The following MYO18B variants were observed in gnomAD, a reference collection of about 807,000 sequenced individuals.
The protein encoded by MYO18B is unconventional myosin-XVIIIb.
In MYO18B, 204 loss-of-function variants were observed where a neutral mutation model predicts 273.0. The observed-to-expected ratio is 0.75, with a 90% confidence interval of 0.67 to 0.84. The LOEUF is 0.84. Ranked by LOEUF, MYO18B falls within the 40% of genes least tolerant of loss-of-function variation. The pLI is 0.00. For synonymous variants in MYO18B, 1,330 were observed against 1,305.7 expected, an observed-to-expected ratio of 1.02 and a Z score of -0.40; for missense variants, 3,212 against 3,287.6, an observed-to-expected ratio of 0.98 and a Z score of 0.56.
rs763249186 is a variant in MYO18B at position 25,780,195 on chromosome 22, C to G, written c.2208C>G (p.Leu736=). 12 of 1,602,748 alleles carry G rather than the reference C, an allele frequency of 7.5e-6. No individual in the cohort carries two copies. The highest frequency in any genetic ancestry group is 1.7e-4 in the Middle Eastern group (1 of 6,052). The change falls in exon 9 of 44, where the codon CTC becomes CTG. Residue 736 remains leucine (L), a synonymous_variant. Coordinates refer to ENST00000335473, the MANE Select transcript of MYO18B (RefSeq NM_032608.7). ...NATGRITAAQ[L]QTMLLEKSRV... ...CAGGCCGCATCACAGCTGCTCAGCT[C>G]CAGGTGAGGCCTCTCGGGGGATGTG...
chr22:25,745,076 C>T (rs2085738199), intron 1 of MYO18B, among the ~76,000 whole-genome samples: 1 of 152,194 alleles, frequency 6.6e-6, no homozygotes, highest in African/African-American at 2.4e-5. Flanking sequence ...CCTCAGCTCT[C>T]ATTTGAATGG....
chr22:25,940,232 A>G (rs1009185265), intron 34 of MYO18B, among the ~76,000 whole-genome samples: 13 of 152,202 alleles, frequency 8.5e-5, no homozygotes, highest in Non-Finnish European at 1.8e-4. Flanking sequence ...AGGTGTTTGA[A>G]TCTTGGGGAG....
intron 1 of MYO18B, among the ~76,000 whole-genome samples, chr22:25,750,508 G>A (rs1324117620): frequency 6.6e-6 from 1 of 152,110 alleles, no homozygotes; most frequent in Non-Finnish European, 1.5e-5. Context: ...CAGAAACCAG[G>A]TGTCAGGCAG....
chr22:25,835,039 A>G (rs772132734), intron 16 of MYO18B, among the ~76,000 whole-genome samples: 14 of 152,340 alleles, frequency 9.2e-5, no homozygotes, highest in Non-Finnish European at 1.2e-4. Flanking sequence ...CAAGGCTCAG[A>G]GAAGTGTAGT....
chr22:25,825,517 A>G (rs1175963257), intron 13 of MYO18B, among the ~76,000 whole-genome samples: 1 of 152,160 alleles, frequency 6.6e-6, no homozygotes, highest in East Asian at 1.9e-4. Flanking sequence ...GGTGATTTTA[A>G]TGGGATGCAT....
intron 10 of MYO18B, 120 bp from the exon 11 acceptor site, chr22:25,785,308 C>G: frequency 1.2e-6 from 1 of 865,128 alleles, no homozygotes. Context: ...AGGCCAGGGA[C>G]AGGGACAGCC....
At chr22:25,997,304 C>CAAAAAAAAAAAGA (rs1569278055) in intron 40 of MYO18B, among the ~76,000 whole-genome samples, 1 of 22,554 alleles carries the variant, frequency 4.4e-5, no homozygotes, top group Non-Finnish European at 7.0e-5. Flanking sequence ...AACTCTGTCG[C>CAAAAAAAAAAAGA]CAAAAAAAAA....
intron 17 of MYO18B, among the ~76,000 whole-genome samples, chr22:25,838,854 T>C (rs1385142678): frequency 4.8e-5 from 7 of 144,914 alleles, no homozygotes; most frequent in African/African-American, 1.8e-4. Context: ...TATATGTGTA[T>C]GTGTGTGAAC....
chr22:26,038,870 A>G, the MYO18B span, among the ~76,000 whole-genome samples: 1 of 152,152 alleles, frequency 6.6e-6, no homozygotes, highest in Non-Finnish European at 1.5e-5. Context: ...AACTTGCCCC[A>G]GGTGCATTTT....
intron 39 of MYO18B, chr22:25,958,994 G>T (rs377103310): frequency 1.3e-5 from 2 of 152,268 alleles, no homozygotes; most frequent in East Asian, 3.9e-4. Flanking sequence ...ACCCAGTGAG[G>T]AACAGCACAC....
chr22:25,902,662 G>T lies in MYO18B; in HGVS notation c.4873G>T (p.Gly1625Cys), dbSNP rs867416594. Reference protein sequence around the residue: ...QALGESVFEKGLREKVTQENT... With the variant: ...QALGESVFEKCLREKVTQENT... ...CCTAGGTGAGTCAGTGTTTGAGAAG[G>T]GTCTCCGTGAGAAAGTGACCCAGGA... is the stretch of plus-strand genomic sequence containing the variant. The change falls in exon 30 of 44, where the codon GGT becomes TGT. Residue 1625 changes from glycine (G) to cysteine (C), a missense_variant. Coordinates refer to ENST00000335473, the MANE Select transcript of MYO18B (RefSeq NM_032608.7). 1 of 1,602,298 alleles carries T rather than the reference G, an allele frequency of 6.2e-7. No individual in the cohort carries two copies. Among genetic ancestry groups the T allele is most frequent in the South Asian group, 1.1e-5 (1 of 88,366 alleles).
chr22:25,908,480 G>T, intron 32 of MYO18B, 48 bp downstream of exon 32: 1 of 1,474,902 alleles, frequency 6.8e-7, no homozygotes, highest in Non-Finnish European at 9.3e-7. Context: ...TGGCAGGTCT[G>T]GCATGGATTC....
At chr22:25,983,596 G>A (rs1169695922) in intron 39 of MYO18B, 1 of 152,172 alleles carries the variant, frequency 6.6e-6, no homozygotes, top group Non-Finnish European at 1.5e-5. Flanking sequence ...CCCCTTCTCT[G>A]TTCTGCTGTA....
chr22:25,998,491 G>T (rs757544047), intron 40 of MYO18B, among the ~76,000 whole-genome samples: 1 of 152,202 alleles, frequency 6.6e-6, no homozygotes, highest in Non-Finnish European at 1.5e-5. Flanking sequence ...AGAGTCCTCA[G>T]TTGCTTTGTT....
chr22:25,809,608 A>ACT (rs1359395665), intron 12 of MYO18B, among the ~76,000 whole-genome samples: 1 of 151,688 alleles, frequency 6.6e-6, no homozygotes, highest in Non-Finnish European at 1.5e-5. Flanking sequence ...CTGGCACCTC[A>ACT]CTCCCCGCCT....
chr22:25,819,875 T>C (rs543586518), intron 12 of MYO18B, among the ~76,000 whole-genome samples: 1 of 151,610 alleles, frequency 6.6e-6, no homozygotes, highest in South Asian at 2.1e-4. Context: ...TAGAGCTTTT[T>C]AGGACTCTTG....
At position 25,757,590 on chromosome 22, in the gene MYO18B, A is replaced by G. The variant is rs958111499; in HGVS notation, c.-109-3394A>G. Among the ~76,000 whole-genome samples, 3 of 151,974 alleles carry G rather than the reference A, an allele frequency of 2.0e-5. No homozygotes were observed. The South Asian group carries it at 6.2e-4, about 31-fold the overall frequency. On this transcript the variant is annotated intron_variant, in intron 1 of 43. Transcript: ENST00000335473. ...CAACAGAGCAAGACTGCATATCAAA[A>G]AAAAAAAAGCCAACAAAAAAATAAA...
intron 33 of MYO18B, among the ~76,000 whole-genome samples, chr22:25,916,831 A>C (rs1385499481): frequency 6.6e-6 from 1 of 152,204 alleles, no homozygotes; most frequent in East Asian, 1.9e-4. Context: ...CAGGAGTTCG[A>C]GACCAGCCTG....
chr22:25,804,691 T>A (rs1235940074), intron 12 of MYO18B, among the ~76,000 whole-genome samples: 2 of 152,244 alleles, frequency 1.3e-5, no homozygotes, highest in South Asian at 2.1e-4. Flanking sequence ...GTGGACACCC[T>A]CCATATAAAC....
Sources: gnomAD v4.1 joint callset for allele counts (sites outside exome capture counted in the v4.1 genomes callset) on GRCh38, gnomAD v4.1.1 for gene constraint, MANE v1.5 for transcripts, NCBI Gene and HGNC (gene_info 2026-07-23, HGNC 2026-07-21) for gene names.